The following CTDSPL2 variants were observed in gnomAD, a reference collection of about 807,000 sequenced individuals.
CTDSPL2 encodes CTD small phosphatase-like protein 2.
A neutral mutation model predicts 60.0 loss-of-function variants in CTDSPL2; 5 were observed. The observed-to-expected ratio is 0.08, with a 90% confidence interval of 0.04 to 0.18. CTDSPL2 has a LOEUF of 0.18. Ranked by LOEUF, CTDSPL2 falls within the 10% of genes least tolerant of loss-of-function variation. The probability of loss-of-function intolerance (pLI) is 1.00; values close to 1 mark genes in which losing one functional copy is unlikely to be tolerated. For synonymous variants in CTDSPL2, 186 were observed against 189.3 expected, an observed-to-expected ratio of 0.98 and a Z score of 0.14; for missense variants, 370 against 548.8, an observed-to-expected ratio of 0.67 and a Z score of 3.26.
chr15:44,505,473 C>T (rs2081444456), intron 8 of CTDSPL2, among the ~76,000 whole-genome samples: 1 of 151,970 alleles, frequency 6.6e-6, no homozygotes, highest in Non-Finnish European at 1.5e-5. Flanking sequence ...GTGGCTCACA[C>T]CTCTAATCCC....
At chr15:44,506,442 G>A (rs2081467587) in intron 8 of CTDSPL2, among the ~76,000 whole-genome samples, 1 of 123,760 alleles carries the variant, frequency 8.1e-6, no homozygotes. Flanking sequence ...TTGGAGGCAT[G>A]GTGTCGCTGT....
chr15:44,523,388 C>CTACATACATACATACATACA (rs61461067), intron 12 of CTDSPL2, among the ~76,000 whole-genome samples: 2 of 145,006 alleles, frequency 1.4e-5, no homozygotes, highest in Admixed American at 7.0e-5. Flanking sequence ...GACCTCATCT[C>CTACATACATACATACATACA]TACATACATA....
chr15:44,520,025 A>C (rs1416401129), intron 11 of CTDSPL2: 5 of 151,654 alleles, frequency 3.3e-5, no homozygotes, highest in African/African-American at 4.9e-5. Context: ...CGCCTGCCTC[A>C]GCCTCCCAAA....
intron 1 of CTDSPL2, among the ~76,000 whole-genome samples, chr15:44,450,003 T>A (rs530483786): frequency 5.0e-5 from 7 of 140,336 alleles, no homozygotes; most frequent in East Asian, 2.1e-4. Flanking sequence ...AAAAAAAAAA[T>A]TAATATTTTT....
chr15:44,479,986 A>G (rs1464481702), intron 2 of CTDSPL2, among the ~76,000 whole-genome samples: 1 of 151,704 alleles, frequency 6.6e-6, no homozygotes, highest in Non-Finnish European at 1.5e-5. Context: ...ATGCTTTTTG[A>G]GTTTTGTCTT....
Position 44,472,237 on chromosome 15 carries a change from T to C in CTDSPL2, c.187-11987T>C, listed in dbSNP as rs188746087. Among the ~76,000 whole-genome samples the C allele has an allele frequency of 5.3e-5, 8 of 152,308 alleles. No individual in the cohort carries two copies. The East Asian group carries it at 1.5e-3, about 29-fold the overall frequency. ...GAATTGCTGGGTTATATGATAACTTTGTGTTTAGCTTTTTAAGGAACTGCC... is the reference window on the plus strand; with the variant it reads ...GAATTGCTGGGTTATATGATAACTTCGTGTTTAGCTTTTTAAGGAACTGCC... On this transcript the variant is annotated intron_variant, in intron 2 of 12. Coordinates refer to ENST00000260327, the MANE Select transcript of CTDSPL2 (RefSeq NM_016396.3).
chr15:44,471,417 TTTAC>T (rs1271787736), intron 2 of CTDSPL2, among the ~76,000 whole-genome samples: 1 of 152,186 alleles, frequency 6.6e-6, no homozygotes, highest in Admixed American at 6.5e-5. Flanking sequence ...GAAGCTTTTA[TTTAC>T]TTATTATTTT....
chr15:44,440,724 A>G (rs2080068378), intron 1 of CTDSPL2, among the ~76,000 whole-genome samples: 2 of 151,540 alleles, frequency 1.3e-5, no homozygotes, highest in Non-Finnish European at 2.9e-5. Flanking sequence ...GTTGTAATTT[A>G]TTCCTTTTTT....
At chr15:44,486,303 G>A (rs192094814) in intron 3 of CTDSPL2, among the ~76,000 whole-genome samples, 1 of 152,210 alleles carries the variant, frequency 6.6e-6, no homozygotes, top group East Asian at 1.9e-4. Context: ...CAGTCTATAG[G>A]TGTAAATCTA....
chr15:44,521,888 A>C (rs1261417043), intron 12 of CTDSPL2, among the ~76,000 whole-genome samples: 1 of 132,750 alleles, frequency 7.5e-6, no homozygotes, highest in Non-Finnish European at 1.6e-5. Flanking sequence ...CAGTGAGCCG[A>C]GATCGCGCCA....
chr15:44,465,263 G>A (rs2080662360), intron 2 of CTDSPL2, among the ~76,000 whole-genome samples: 1 of 152,112 alleles, frequency 6.6e-6, no homozygotes, highest in African/African-American at 2.4e-5. Context: ...GTAATTGAAG[G>A]CCTCACAACT....
intron 2 of CTDSPL2, among the ~76,000 whole-genome samples, chr15:44,478,151 G>T (rs1468558842): frequency 6.6e-6 from 1 of 151,702 alleles, no homozygotes. Flanking sequence ...GAATTCCTTG[G>T]AAAAGATTGG....
chr15:44,459,402 C>A (rs866795098), intron 2 of CTDSPL2, among the ~76,000 whole-genome samples: 2 of 152,124 alleles, frequency 1.3e-5, no homozygotes, highest in Non-Finnish European at 2.9e-5. Context: ...TGGCGGGCGC[C>A]TGTAGTCCCA....
chr15:44,440,046 TAC>T (rs1382940722), intron 1 of CTDSPL2, among the ~76,000 whole-genome samples: 7 of 152,154 alleles, frequency 4.6e-5, no homozygotes, highest in African/African-American at 1.7e-4. Context: ...GGTTTTTTAC[TAC>T]AGTTTCAATT....
Position 44,500,849 on chromosome 15 carries a change from C to G in CTDSPL2, c.969+1036C>G, listed in dbSNP as rs947497028. On this transcript the variant is annotated intron_variant, in intron 8 of 12. Coordinates refer to ENST00000260327, the MANE Select transcript of CTDSPL2 (RefSeq NM_016396.3). ...TTTTAGTTGTCAGTTCTAGTTTTAA[C>G]CTAGGGTAGGTATTGTAGCTATGGC... Among the ~76,000 whole-genome samples the G allele has an allele frequency of 3.9e-5, 6 of 152,186 alleles. No individual in the cohort carries two copies. In the East Asian group the frequency reaches 1.2e-3, roughly 29 times the overall value.
Position 44,525,270 on chromosome 15 carries a change from T to A in CTDSPL2, c.*1096T>A, listed in dbSNP as rs2081854527. On this transcript the variant is annotated 3_prime_UTR_variant, in exon 13 of 13. Coordinates refer to ENST00000260327, the MANE Select transcript of CTDSPL2 (RefSeq NM_016396.3). The stretch of plus-strand genomic sequence containing the variant: ...GGTACCTAACAGTAGCTATGCATAA[T>A]CCTGTGGCACAGTACACTCCCAAGC... 2.5e-6 allele frequency: 1 copy of A among 396,924 alleles called. No individual in the cohort carries two copies. The highest frequency in any genetic ancestry group is 1.4e-4 in the South Asian group (1 of 7,208). 24.6% of individuals were successfully genotyped at this position (396,924 alleles called of 1,614,324 possible). A position where few individuals can be genotyped will look rare whatever the true frequency, so the allele number is the denominator to read the frequency against.
intron 1 of CTDSPL2, among the ~76,000 whole-genome samples, chr15:44,451,534 A>G (rs1391732696): frequency 6.6e-6 from 1 of 152,232 alleles, no homozygotes; most frequent in East Asian, 1.9e-4. Flanking sequence ...ATAATTACAT[A>G]TATCTCTCAC....
Position 44,519,288 on chromosome 15 carries a change from C to T in CTDSPL2, c.1232C>T (p.Ala411Val). ...ATTGACAACTCACCACAAGCCTTTGCATATCAGGTAGGAAGAAAGTTGATA... is the reference window on the plus strand; with the variant it reads ...ATTGACAACTCACCACAAGCCTTTGTATATCAGGTAGGAAGAAAGTTGATA... The part of the protein sequence containing the change: ...IIIDNSPQAF[A>V]YQLSNGIPIE... The change falls in exon 11 of 13, where the codon GCA (alanine) becomes GTA (valine). Residue 411 changes from alanine to valine, a missense_variant. Physicochemically the swap from Ala to Val is moderately conservative, Grantham distance 64. Transcript: ENST00000260327. The T allele has an allele frequency of 6.5e-7, 1 of 1,543,748 alleles. No individual in the cohort carries two copies. The highest frequency in any genetic ancestry group is 8.6e-7 in the Non-Finnish European group (1 of 1,156,642).
chr15:44,476,099 C>T (rs987816044), intron 2 of CTDSPL2, among the ~76,000 whole-genome samples: 8 of 152,018 alleles, frequency 5.3e-5, no homozygotes, highest in South Asian at 4.2e-4. Flanking sequence ...ATGGAGTCTT[C>T]GCTCTGTCGC....
Sources: allele counts gnomAD v4.1 joint callset (sites outside exome capture counted in the v4.1 genomes callset), GRCh38; gene constraint gnomAD v4.1.1; transcripts MANE v1.5; gene names NCBI Gene and HGNC (gene_info 2026-07-23, HGNC 2026-07-21).